Variants in AFG2A observed in about 807,000 individuals in gnomAD.
AFG2A encodes the protein ATPase family gene 2 protein homolog A.
At chr4:122,924,553 T>G in the AFG2A span, among the ~76,000 whole-genome samples, 14 of 152,248 alleles carry the variant, frequency 9.2e-5, no homozygotes, top group Non-Finnish European at 2.9e-5. Flanking sequence ...TCATCATTTT[T>G]CTTTGCAGGC....
At chr4:123,132,469 T>A in the AFG2A span, among the ~76,000 whole-genome samples, 1 of 151,678 alleles carries the variant, frequency 6.6e-6, no homozygotes, top group Non-Finnish European at 1.5e-5. Context: ...TTCCTTCTTT[T>A]TTATGGCTGA....
At chr4:122,964,414 G>T in the AFG2A span, among the ~76,000 whole-genome samples, 3 of 150,110 alleles carry the variant, frequency 2.0e-5, no homozygotes, top group South Asian at 4.2e-4. Flanking sequence ...TGAGGCACAA[G>T]AATTGCTTGA....
the AFG2A span, among the ~76,000 whole-genome samples, chr4:123,155,592 A>C: frequency 1.3e-5 from 2 of 149,330 alleles, no homozygotes; most frequent in Admixed American, 1.4e-4. Flanking sequence ...AAAAATTAAC[A>C]ATACAGCATT....
the AFG2A span, among the ~76,000 whole-genome samples, chr4:122,995,617 A>G: frequency 3.3e-5 from 5 of 152,216 alleles, no homozygotes; most frequent in Non-Finnish European, 7.4e-5. Context: ...AGTTACTGGA[A>G]GGATCATCAA....
At chr4:123,220,631 A>C in the AFG2A span, among the ~76,000 whole-genome samples, 1 of 151,502 alleles carries the variant, frequency 6.6e-6, no homozygotes, top group African/African-American at 2.4e-5. Context: ...AAAAAAAAAA[A>C]AAAAAACCTG....
the AFG2A span, among the ~76,000 whole-genome samples, chr4:123,183,593 A>G: frequency 2.6e-5 from 4 of 152,214 alleles, no homozygotes; most frequent in Non-Finnish European, 5.9e-5. Context: ...TTTTTAGAGT[A>G]TTATGTACAT....
chr4:123,016,400 T>G, the AFG2A span, among the ~76,000 whole-genome samples: 64 of 148,176 alleles, frequency 4.3e-4, no homozygotes, highest in African/African-American at 1.5e-3. Context: ...TCCTCACTTC[T>G]CAGACAGGGC....
the AFG2A span, among the ~76,000 whole-genome samples, chr4:123,166,641 C>G: frequency 6.6e-6 from 1 of 152,288 alleles, no homozygotes; most frequent in South Asian, 2.1e-4. Context: ...GTTATATACT[C>G]AGCTCTTAAT....
chr4:123,197,482 T>C, the AFG2A span, among the ~76,000 whole-genome samples: 32 of 152,254 alleles, frequency 2.1e-4, no homozygotes, highest in South Asian at 4.6e-3. Context: ...TAAGCATACG[T>C]ACTTAGGCTG....
At chr4:123,002,944 A>G in the AFG2A span, among the ~76,000 whole-genome samples, 258 of 152,286 alleles carry the variant, frequency 1.7e-3, 1 homozygote, top group Middle Eastern at 0.014. Context: ...AGGTACACCA[A>G]TCAGATGCAG....
At chr4:123,268,629 A>G in the AFG2A span, among the ~76,000 whole-genome samples, 1 of 152,228 alleles carries the variant, frequency 6.6e-6, no homozygotes, top group African/African-American at 2.4e-5. Context: ...CTGAGGGGAA[A>G]TTATTTCCAA....
the AFG2A span, among the ~76,000 whole-genome samples, chr4:123,098,753 A>G: frequency 6.6e-6 from 1 of 151,952 alleles, no homozygotes; most frequent in Non-Finnish European, 1.5e-5. Flanking sequence ...CATTTTCTTT[A>G]TCCGCTTATT....
chr4:123,126,104 A>T, the AFG2A span, among the ~76,000 whole-genome samples: 1 of 152,160 alleles, frequency 6.6e-6, no homozygotes, highest in Non-Finnish European at 1.5e-5. Context: ...TCTTACCATT[A>T]TAGTATTTTC....
chr4:123,069,669 A>G, the AFG2A span, among the ~76,000 whole-genome samples: 2 of 152,198 alleles, frequency 1.3e-5, no homozygotes, highest in African/African-American at 4.8e-5. Flanking sequence ...AGAAGGATTT[A>G]CTTAAATTTA....
chr4:122,935,694 T>G, the AFG2A span: 1 of 1,557,400 alleles, frequency 6.4e-7, no homozygotes, highest in Non-Finnish European at 8.7e-7. Context: ...GAATCTAGTG[T>G]TTTCTACTTT....
At chr4:123,184,564 T>TCTCG in the AFG2A span, among the ~76,000 whole-genome samples, 1 of 101,264 alleles carries the variant, frequency 9.9e-6, no homozygotes, top group Non-Finnish European at 1.9e-5. Flanking sequence ...TGAGACGGAG[T>TCTCG]CTCGCTCTGT....
the AFG2A span, among the ~76,000 whole-genome samples, chr4:123,218,112 G>C: frequency 2.6e-5 from 4 of 152,166 alleles, no homozygotes; most frequent in Admixed American, 6.6e-5. Context: ...AGGAATTTTA[G>C]CTTAAGATTC....
the AFG2A span, chr4:123,090,624 C>T: frequency 6.2e-7 from 1 of 1,614,154 alleles, no homozygotes. Context: ...TGGCTCAGCT[C>T]TTAACAGAAA....
the AFG2A span, among the ~76,000 whole-genome samples, chr4:123,278,234 C>A: frequency 2.0e-5 from 3 of 152,106 alleles, no homozygotes; most frequent in Admixed American, 1.3e-4. Context: ...TCTAGATCTT[C>A]TAGTTTGTAT....
Sources: allele counts gnomAD v4.1 joint callset (sites outside exome capture counted in the v4.1 genomes callset), GRCh38; gene constraint gnomAD v4.1.1; transcripts MANE v1.5; gene names NCBI Gene and HGNC (gene_info 2026-07-23, HGNC 2026-07-21).